NUP210L: variants seen among roughly 807,000 people sequenced by gnomAD.
NUP210L encodes the protein nucleoporin 210 like.
A neutral mutation model predicts 208.5 loss-of-function variants in NUP210L; 74 were observed. The observed-to-expected ratio is 0.35, with a 90% CI of 0.29 to 0.43. The LOEUF (loss-of-function observed/expected upper bound fraction) is 0.43, where lower values mean the gene tolerates loss of function less well. Ranked by LOEUF, NUP210L falls within the 20% of genes least tolerant of loss-of-function variation. The pLI is 1.00. For missense variants in NUP210L, 1,843 were observed against 2,289.4 expected (o/e 0.81, Z 3.98); for synonymous variants, 780 against 816.9 (o/e 0.95, Z 0.77).
intron 21 of NUP210L, 26 bp from the exon 22 acceptor site, chr1:154,058,242 T>A (rs1335227030): frequency 6.2e-7 from 1 of 1,611,970 alleles, no homozygotes; most frequent in Non-Finnish European, 8.5e-7. Context: ...AAAAAGATTT[T>A]AGCAAAGGTG....
intron 37 of NUP210L, among the ~76,000 whole-genome samples, chr1:154,000,639 G>T (rs1650155591): frequency 6.6e-6 from 1 of 152,216 alleles, no homozygotes; most frequent in African/African-American, 2.4e-5. Flanking sequence ...ATGATTCATG[G>T]TTGGGGACCA....
At chr1:154,152,831 T>C (rs2148166311) in exon 2 of NUP210L, 1 of 1,613,972 alleles carries the variant, frequency 6.2e-7, no homozygotes, top group African/African-American at 1.3e-5. Flanking sequence ...GCCATTTTCA[T>C]ATAAAGGCTC....
chr1:154,116,254 C>CACA (rs1657325467), intron 12 of NUP210L, among the ~76,000 whole-genome samples: 1 of 91,460 alleles, frequency 1.1e-5, no homozygotes, highest in Non-Finnish European at 2.1e-5. Context: ...GACTCCATCT[C>CACA]AAAAAAAAAA....
At chr1:154,155,060 T>A in exon 1 of NUP210L, 1 of 1,580,036 alleles carries the variant, frequency 6.3e-7, no homozygotes, top group Non-Finnish European at 8.6e-7. Context: ...CTGCCAGGTC[T>A]CGGGTTCCCG....
intron 30 of NUP210L, 102 bp downstream of exon 30, chr1:154,025,440 A>G (rs1039077577): frequency 4.3e-6 from 3 of 697,694 alleles, no homozygotes; most frequent in Middle Eastern, 4.4e-4. Context: ...CTTTAATGGC[A>G]TGATAAGAAA....
chr1:154,070,763 CCTAA>C (rs1280542133), intron 16 of NUP210L, among the ~76,000 whole-genome samples: 1 of 152,092 alleles, frequency 6.6e-6, no homozygotes, highest in Non-Finnish European at 1.5e-5. Flanking sequence ...GCACTTCACC[CCTAA>C]CTATTTCAGC....
intron 29 of NUP210L, 103 bp downstream of exon 29, chr1:154,027,403 G>T: frequency 1.3e-6 from 1 of 774,696 alleles, no homozygotes. Context: ...AAATTATTTG[G>T]GAAAAATCTC....
At chr1:154,127,122 A>G (rs542159890) in intron 9 of NUP210L, among the ~76,000 whole-genome samples, 189 bp downstream of exon 9, 189 of 151,692 alleles carry the variant, frequency 1.2e-3, no homozygotes, top group East Asian at 2.5e-3. Flanking sequence ...AAAAAAAAAA[A>G]AAGAAGAAAA....
chr1:154,139,200 C>T (rs963367330), intron 5 of NUP210L, among the ~76,000 whole-genome samples: 1 of 151,732 alleles, frequency 6.6e-6, no homozygotes, highest in African/African-American at 2.4e-5. Context: ...ACCCCCCCAC[C>T]CCAAAAAAGG....
chr1:154,009,867 T>C (rs993493401), intron 35 of NUP210L, 105 bp downstream of exon 35: 87 of 896,224 alleles, frequency 9.7e-5, no homozygotes, highest in Middle Eastern at 3.1e-4. Flanking sequence ...TCCACAGTTA[T>C]ATATCAGATG....
At chr1:153,993,353 T>C (rs1382462363) in intron 38 of NUP210L, among the ~76,000 whole-genome samples, 1 of 149,938 alleles carries the variant, frequency 6.7e-6, no homozygotes, top group African/African-American at 2.5e-5. Flanking sequence ...GATCACGAGG[T>C]CAGGAGATTG....
chr1:154,135,748 C>G, intron 7 of NUP210L, 66 bp downstream of exon 7: 1 of 1,403,976 alleles, frequency 7.1e-7, no homozygotes, highest in East Asian at 2.3e-5. Context: ...ATTATTTTAC[C>G]AAAGAACATG....
chr1:153,994,349 C>G (rs373296444), intron 38 of NUP210L, among the ~76,000 whole-genome samples: 1 of 151,938 alleles, frequency 6.6e-6, no homozygotes, highest in Non-Finnish European at 1.5e-5. Flanking sequence ...GAGTCTTGCT[C>G]TGTCACCCAG....
At chr1:154,146,979 G>T (rs1659152249) in intron 2 of NUP210L, among the ~76,000 whole-genome samples, 1 of 151,720 alleles carries the variant, frequency 6.6e-6, no homozygotes, top group African/African-American at 2.4e-5. Flanking sequence ...GCATGCCACC[G>T]CACCTGGCTA....
chr1:154,142,013 C>T (rs1171605411), intron 3 of NUP210L, among the ~76,000 whole-genome samples: 3 of 151,892 alleles, frequency 2.0e-5, no homozygotes, highest in Non-Finnish European at 4.4e-5. Context: ...AAAACTTAGC[C>T]AGGTATGGTG....
chr1:154,040,366 T>G (rs1652801126), intron 27 of NUP210L, among the ~76,000 whole-genome samples: 2 of 149,070 alleles, frequency 1.3e-5, no homozygotes, highest in African/African-American at 2.5e-5. Context: ...TAATAAGACC[T>G]TGTATCAAAA....
intron 12 of NUP210L, among the ~76,000 whole-genome samples, chr1:154,111,102 G>A (rs1657020643): frequency 6.6e-6 from 1 of 150,818 alleles, no homozygotes; most frequent in Non-Finnish European, 1.5e-5. Flanking sequence ...GTAAAATCTG[G>A]CTGGGCACGG....
chr1:154,117,227 G>A (rs1254690900), intron 12 of NUP210L, among the ~76,000 whole-genome samples: 1 of 152,166 alleles, frequency 6.6e-6, no homozygotes, highest in Non-Finnish European at 1.5e-5. Context: ...AAACATAGAT[G>A]TTAAATAAGT....
intron 12 of NUP210L, among the ~76,000 whole-genome samples, chr1:154,107,212 A>C (rs1197714449): frequency 2.0e-5 from 3 of 152,194 alleles, no homozygotes; most frequent in African/African-American, 7.2e-5. Flanking sequence ...CAATTAACAT[A>C]CTAAAGAAAT....
Sources: allele counts gnomAD v4.1 joint callset (sites outside exome capture counted in the v4.1 genomes callset), GRCh38; gene constraint gnomAD v4.1.1; transcripts MANE v1.5; gene names NCBI Gene and HGNC (gene_info 2026-07-23, HGNC 2026-07-21).